Variants in TMEM14C observed in about 807,000 individuals in gnomAD.
TMEM14C encodes transmembrane protein 14C.
In TMEM14C, 13 loss-of-function variants were observed where a neutral mutation model predicts 14.8. The observed-to-expected ratio is 0.88, with a 90% CI of 0.57 to 1.40. The LOEUF is 1.40. TMEM14C is among the 40% of genes most tolerant of loss of function. TMEM14C has a pLI of 0.00. For synonymous variants in TMEM14C, 57 were observed against 51.3 expected, an observed-to-expected ratio of 1.11 and a Z score of -0.48; for missense variants, 142 against 138.8, an observed-to-expected ratio of 1.02 and a Z score of -0.12.
At position 10,725,941 on chromosome 6, in the gene TMEM14C, TG is replaced by T. The variant is rs1561904442; in HGVS notation, c.134del (p.Gly45AlafsTer3). The T allele has an allele frequency of 1.2e-6, 2 of 1,614,122 alleles. No homozygotes were observed. Among genetic ancestry groups the T allele is most frequent in the Admixed American group, 1.7e-5 (1 of 60,022 alleles). ...VPSLAAGLLF[G>X]SLAGLGAYQL... is the part of the protein sequence containing the mutation. The stretch of plus-strand genomic sequence containing the variant: ...CGTCCCTGGCTGCAGGGCTGCTCTT[TG>T]GCAGTCTAGCCGGCCTGGGTGCTTA... On this transcript the variant is annotated frameshift_variant, in exon 4 of 6. Coordinates refer to ENST00000229563, the MANE Select transcript of TMEM14C (RefSeq NM_016462.4). LOFTEE classifies it high-confidence loss of function.
chr6:10,723,869 A>G (rs1449626699), intron 1 of TMEM14C, among the ~76,000 whole-genome samples: 1 of 152,114 alleles, frequency 6.6e-6, no homozygotes, highest in Non-Finnish European at 1.5e-5. Flanking sequence ...CTCCTAAAGT[A>G]CTGGGATGAC....
chr6:10,724,207 G>A (rs1051658643), intron 1 of TMEM14C, among the ~76,000 whole-genome samples: 2 of 152,156 alleles, frequency 1.3e-5, no homozygotes, highest in Non-Finnish European at 2.9e-5. Context: ...TTAAGGGCAC[G>A]GGAGTATTTG....
At chr6:10,725,877 A>G in intron 3 of TMEM14C, 30 bp from the exon 4 acceptor site, 6 of 1,612,250 alleles carry the variant, frequency 3.7e-6, no homozygotes, top group Non-Finnish European at 5.1e-6. Context: ...GCCTGACATT[A>G]CAATGCAAGC....
chr6:10,724,923 G>T, intron 2 of TMEM14C, 38 bp from the exon 3 acceptor site: 1 of 1,612,650 alleles, frequency 6.2e-7, no homozygotes, highest in Non-Finnish European at 8.5e-7. Context: ...TGTTTTCAAA[G>T]CCAGGTTAGC....
intron 4 of TMEM14C, among the ~76,000 whole-genome samples, chr6:10,727,074 T>A (rs190592587): frequency 1.3e-5 from 2 of 152,280 alleles, no homozygotes; most frequent in East Asian, 3.9e-4. Context: ...TCTCTGATGC[T>A]ACTCTACTCA....
chr6:10,728,328 G>T (rs1250489055), intron 4 of TMEM14C, among the ~76,000 whole-genome samples: 1 of 136,490 alleles, frequency 7.3e-6, no homozygotes, highest in Non-Finnish European at 1.7e-5. Flanking sequence ...TCTGCAGGGC[G>T]TGAGAAACAG....
chr6:10,729,363 G>A (rs1770964369), intron 5 of TMEM14C, among the ~76,000 whole-genome samples: 1 of 152,132 alleles, frequency 6.6e-6, no homozygotes, highest in African/African-American at 2.4e-5. Context: ...TGGAACTCCT[G>A]ATCTTGTGAT....
rs1443072558 is a variant in TMEM14C, at chr6:10,729,841, C to T, written c.288-774C>T. Among the ~76,000 whole-genome samples the T allele has an allele frequency of 2.6e-5, 4 of 151,684 alleles. No individual in the cohort carries two copies. The East Asian group carries it at 7.8e-4, about 30-fold the overall frequency. On this transcript the variant is annotated intron_variant, in intron 5 of 5. Transcript: ENST00000229563. Reference sequence around the variant, plus strand: ...GGCCAGGTGTGGTGGCTCATGCCTACAATCCCAGCACTTTGGGAGGCCAGA... The same window carrying T: ...GGCCAGGTGTGGTGGCTCATGCCTATAATCCCAGCACTTTGGGAGGCCAGA...
At chr6:10,729,767 G>C (rs1417805098) in intron 5 of TMEM14C, among the ~76,000 whole-genome samples, 1 of 151,034 alleles carries the variant, frequency 6.6e-6, no homozygotes, top group Non-Finnish European at 1.5e-5. Context: ...GACAGAGCAA[G>C]ACTCCATCTC....
intron 4 of TMEM14C, 132 bp from the exon 5 acceptor site, chr6:10,728,508 G>C: frequency 1.0e-6 from 1 of 961,066 alleles, no homozygotes; most frequent in Non-Finnish European, 1.5e-6. Context: ...TAGTCTCCCC[G>C]ACTTGGGGAA....
intron 1 of TMEM14C, 194 bp from the exon 2 acceptor site, chr6:10,724,376 G>A (rs913932277): frequency 1.0e-4 from 57 of 555,642 alleles, no homozygotes; most frequent in African/African-American, 7.5e-4. Context: ...GGTTTACTAG[G>A]TGCTAAGCAC....
At chr6:10,729,219 T>C (rs1306413897) in intron 5 of TMEM14C, among the ~76,000 whole-genome samples, 1 of 152,186 alleles carries the variant, frequency 6.6e-6, no homozygotes, top group Non-Finnish European at 1.5e-5. Flanking sequence ...GCAATCACCA[T>C]CTGCCTCCCG....
At position 10,723,594 on chromosome 6, in the gene TMEM14C, CTTTTTTT is replaced by C. The variant is rs34904534; in HGVS notation, c.-45+364_-45+370del. ...TTCCCTGTTTTATGGAAACTTAATT[CTTTTTTT>C]TTTTTTTTTTGTCCTTGAGGGAGGG... On this transcript the variant is annotated intron_variant, in intron 1 of 5. Transcript: ENST00000229563. Among the ~76,000 whole-genome samples, 9 of 118,680 alleles carry C rather than the reference CTTTTTTT, an allele frequency of 7.6e-5. 1 individual carries two copies. The highest frequency in any genetic ancestry group is 3.8e-4 in the Admixed American group (4 of 10,392). 77.9% of individuals were successfully genotyped at this position (118,680 alleles called of 152,430 possible).
At chr6:10,729,072 G>A (rs1770955276) in intron 5 of TMEM14C, among the ~76,000 whole-genome samples, 1 of 152,142 alleles carries the variant, frequency 6.6e-6, no homozygotes, top group South Asian at 2.1e-4. Context: ...TCTTAGATGT[G>A]TAGATGTCTT....
intron 4 of TMEM14C, among the ~76,000 whole-genome samples, chr6:10,727,424 C>T (rs998982967): frequency 4.0e-5 from 6 of 151,614 alleles, no homozygotes; most frequent in African/African-American, 1.5e-4. Context: ...ACTGCAACCT[C>T]CACCTCCCAG....
intron 1 of TMEM14C, 94 bp from the exon 2 acceptor site, chr6:10,724,476 C>T: frequency 2.6e-6 from 2 of 778,648 alleles, no homozygotes; most frequent in Admixed American, 4.3e-5. Context: ...AATACTGAGA[C>T]TTAGGTTGCG....
At chr6:10,725,800 T>C (rs1446180657) in intron 3 of TMEM14C, 107 bp from the exon 4 acceptor site, 2 of 1,381,860 alleles carry the variant, frequency 1.4e-6, no homozygotes, top group East Asian at 4.7e-5. Flanking sequence ...TGAGCTGTGT[T>C]GAGAGTTCTC....
rs1488306419 is a variant in TMEM14C at position 10,723,073 on chromosome 6, C to T, written c.-213C>T. On this transcript the variant is annotated 5_prime_UTR_variant, in exon 1 of 6. Transcript: ENST00000229563. ...AAGCCCCGCCCGCACCGTCCCCATTCTCTGACCGCCCCTCTCCCGGTACAC... is the reference window on the plus strand; with the variant it reads ...AAGCCCCGCCCGCACCGTCCCCATTTTCTGACCGCCCCTCTCCCGGTACAC... 1 of 152,384 alleles carries T rather than the reference C, an allele frequency of 6.6e-6. No individual in the cohort carries two copies. The highest frequency in any genetic ancestry group is 6.5e-5 in the Admixed American group (1 of 15,292). 9.4% of individuals were successfully genotyped at this position (152,384 alleles called of 1,614,324 possible).
chr6:10,729,415 G>C (rs565110802), intron 5 of TMEM14C, among the ~76,000 whole-genome samples: 47 of 152,250 alleles, frequency 3.1e-4, no homozygotes, highest in African/African-American at 1.1e-3. Flanking sequence ...TTACAGGCGT[G>C]ACCCACTGCG....
Sources: allele counts gnomAD v4.1 joint callset (sites outside exome capture counted in the v4.1 genomes callset), GRCh38; gene constraint gnomAD v4.1.1; transcripts MANE v1.5; gene names NCBI Gene and HGNC (gene_info 2026-07-23, HGNC 2026-07-21).